The following MGST3 variants were observed in gnomAD, a reference collection of about 807,000 sequenced individuals.
The protein encoded by MGST3 is glutathione S-transferase 3, mitochondrial.
In MGST3, 13 loss-of-function variants were observed where a neutral mutation model predicts 15.8. That is an observed-to-expected ratio of 0.82 (90% CI 0.54 to 1.31). The LOEUF is 1.31. Among genes scored for constraint, MGST3 ranks in the 50% most tolerant of loss-of-function variants. The probability of loss-of-function intolerance (pLI) is 0.00; values close to 1 mark genes in which losing one functional copy is unlikely to be tolerated. For missense variants in MGST3, 155 were observed against 192.4 expected (o/e 0.81, Z 1.15); for synonymous variants, 49 against 68.1 (o/e 0.72, Z 1.38).
intron 1 of MGST3, among the ~76,000 whole-genome samples, chr1:165,640,574 C>T (rs1648236204): frequency 6.6e-6 from 1 of 152,122 alleles, no homozygotes; most frequent in Non-Finnish European, 1.5e-5. Flanking sequence ...TGATAATACT[C>T]AGGCCCCACC....
intron 4 of MGST3, among the ~76,000 whole-genome samples, chr1:165,652,503 T>C (rs116830443): frequency 0.014 from 2,166 of 152,138 alleles, 61 homozygotes; most frequent in African/African-American, 0.048. Flanking sequence ...AATTACATCA[T>C]GTGTTAGGAG....
At chr1:165,638,543 G>A (rs1005746182) in intron 1 of MGST3, among the ~76,000 whole-genome samples, 1 of 151,874 alleles carries the variant, frequency 6.6e-6, no homozygotes, top group African/African-American at 2.4e-5. Flanking sequence ...CAGCACTTTC[G>A]GAGGCCAAGG....
At chr1:165,647,553 A>G (rs1369822251) in intron 1 of MGST3, 2 of 152,172 alleles carry the variant, frequency 1.3e-5, no homozygotes, top group East Asian at 3.9e-4. Context: ...GAAGAGTAAA[A>G]GTGAGCTGAA....
intron 1 of MGST3, among the ~76,000 whole-genome samples, chr1:165,635,113 G>A (rs2101713436): frequency 6.6e-6 from 1 of 151,966 alleles, no homozygotes; most frequent in South Asian, 2.1e-4. Context: ...GCCCTCTGAG[G>A]TTGCTGCCTG....
rs1357502557 is a variant in MGST3, at chr1:165,655,404, T to C, written c.359T>C (p.Ile120Thr). 1.9e-6 allele frequency: 3 copies of C among 1,613,972 alleles called. No individual in the cohort carries two copies. Among genetic ancestry groups the C allele is most frequent in the African/African-American group, 2.7e-5 (2 of 74,908 alleles). The change falls in exon 6 of 6, where the codon ATC (isoleucine) becomes ACC (threonine). Residue 120 changes from isoleucine (I) to threonine (T), a missense_variant. By Grantham distance (89) the Ile-to-Thr change is moderately conservative (BLOSUM62 -1). Transcript: ENST00000367889. ...CGTAGTCGAGGAGCCCTGGGGTCCA[T>C]CGCCCTCCTGGGCTTGGTGGGCACA... ...SKRSRGALGS[I>T]ALLGLVGTTV...
At chr1:165,642,996 A>G (rs1001183416) in intron 1 of MGST3, among the ~76,000 whole-genome samples, 2 of 152,182 alleles carry the variant, frequency 1.3e-5, no homozygotes, top group Non-Finnish European at 2.9e-5. Flanking sequence ...GTTTTTTTAG[A>G]TATGTATTTG....
At chr1:165,651,164 C>T (rs9333475) in intron 3 of MGST3, 77 bp downstream of exon 3, 23,760 of 1,241,126 alleles carry the variant, frequency 0.019, 297 homozygotes, top group South Asian at 0.022. Flanking sequence ...GCCCTTAGTG[C>T]GCTGTATTTG....
chr1:165,635,260 A>G (rs1648075822), intron 1 of MGST3, among the ~76,000 whole-genome samples: 1 of 152,102 alleles, frequency 6.6e-6, no homozygotes, highest in Admixed American at 6.5e-5. Flanking sequence ...GAATCTGGGA[A>G]AGTTTGTCCT....
At position 165,654,268 on chromosome 1, in the gene MGST3, T is replaced by C; in HGVS notation, c.250-11T>C. 1 of 1,612,972 alleles carries C rather than the reference T, an allele frequency of 6.2e-7. No individual in the cohort carries two copies. Among genetic ancestry groups the C allele is most frequent in the East Asian group, 2.2e-5 (1 of 44,870 alleles). On this transcript the variant is annotated splice_polypyrimidine_tract_variant and intron_variant, in intron 4 of 5. Coordinates refer to ENST00000367889, the MANE Select transcript of MGST3 (RefSeq NM_004528.4). ...TTTCATGCAAATACTAATGTAGCCC[T>C]TTTTTCTTAGCGTATAGCTTCTGGC...
At chr1:165,649,678 G>A (rs891690301) in intron 1 of MGST3, 163 bp from the exon 2 acceptor site, 3 of 753,554 alleles carry the variant, frequency 4.0e-6, no homozygotes, top group Non-Finnish European at 6.7e-6. Flanking sequence ...ATTTTATATG[G>A]TACTGTCTTT....
At chr1:165,654,628 C>G (rs531204982) in intron 5 of MGST3, among the ~76,000 whole-genome samples, 10 of 152,100 alleles carry the variant, frequency 6.6e-5, no homozygotes, top group African/African-American at 2.2e-4. Flanking sequence ...AAGTTTCAGG[C>G]TGCTGTGAAC....
intron 4 of MGST3, among the ~76,000 whole-genome samples, chr1:165,652,333 A>T (rs905907749): frequency 6.6e-6 from 1 of 152,240 alleles, no homozygotes; most frequent in Non-Finnish European, 1.5e-5. Flanking sequence ...TTTCATGTCT[A>T]TAAGAGTTCA....
At chr1:165,643,717 A>T (rs931379601) in intron 1 of MGST3, among the ~76,000 whole-genome samples, 3 of 151,978 alleles carry the variant, frequency 2.0e-5, no homozygotes, top group African/African-American at 7.3e-5. Context: ...AAAATAAAAA[A>T]ATTAGCCGGG....
intron 1 of MGST3, among the ~76,000 whole-genome samples, chr1:165,641,203 A>T (rs1224899908): frequency 6.6e-6 from 1 of 151,666 alleles, no homozygotes. Flanking sequence ...AAGAGTTCCC[A>T]CTCCCTGAAG....
intron 1 of MGST3, 166 bp from the exon 2 acceptor site, chr1:165,649,675 A>G (rs1648501552): frequency 1.4e-6 from 1 of 727,516 alleles, no homozygotes; most frequent in South Asian, 1.7e-5. Context: ...ATTATTTTAT[A>G]TGGTACTGTC....
intron 1 of MGST3, chr1:165,635,787 C>T (rs978192152): frequency 1.4e-4 from 21 of 152,188 alleles, no homozygotes; most frequent in Non-Finnish European, 2.8e-4. Context: ...ATTCCACCAG[C>T]AACATTGATG....
rs78944368 is a variant in MGST3 at position 165,636,006 on chromosome 1, G to A, written c.-8+4713G>A. 9.8e-3 allele frequency among the ~76,000 whole-genome samples: 1,491 copies of A among 152,262 alleles called. 52 individuals carry two copies. The highest frequency in any genetic ancestry group is 0.059 in the Admixed American group (903 of 15,284). ...GTTACTTTTCATTACCTAGGTTTCT[G>A]TTCCTTCTTTTAAGTGTAATTTAAA... On this transcript the variant is annotated intron_variant, in intron 1 of 5. Transcript: ENST00000367889.
chr1:165,642,348 G>T (rs141473937), intron 1 of MGST3, among the ~76,000 whole-genome samples: 194 of 152,310 alleles, frequency 1.3e-3, no homozygotes, highest in African/African-American at 4.4e-3. Flanking sequence ...AATGACTGCA[G>T]CTTCCGGATG....
chr1:165,654,604 T>C (rs1039078129), intron 5 of MGST3, among the ~76,000 whole-genome samples: 2 of 152,048 alleles, frequency 1.3e-5, no homozygotes, highest in Admixed American at 1.3e-4. Context: ...GGCGGGAGGA[T>C]TGCTTCAGCC....
Sources: allele counts gnomAD v4.1 joint callset (sites outside exome capture counted in the v4.1 genomes callset), GRCh38; gene constraint gnomAD v4.1.1; transcripts MANE v1.5; gene names NCBI Gene and HGNC (gene_info 2026-07-23, HGNC 2026-07-21).